The following FANK1 variants were observed in gnomAD, a reference collection of about 807,000 sequenced individuals.
FANK1 encodes fibronectin type III and ankyrin repeat domains 1.
FANK1 carries 44 observed loss-of-function variants against 45.3 expected under a neutral mutation model. That is an observed-to-expected ratio of 0.97 (90% CI 0.76 to 1.25). The LOEUF (loss-of-function observed/expected upper bound fraction) is 1.25. Ranked by LOEUF, FANK1 falls within the 50% of genes most tolerant of loss-of-function variation. FANK1 has a pLI of 0.00. For missense variants in FANK1, 391 were observed against 424.4 expected (o/e 0.92, Z 0.69); for synonymous variants, 149 against 152.5 (o/e 0.98, Z 0.17).
At chr10:125,964,640 A>G (rs1359447739) in intron 1 of FANK1, among the ~76,000 whole-genome samples, 1 of 152,338 alleles carries the variant, frequency 6.6e-6, no homozygotes, top group East Asian at 1.9e-4. Flanking sequence ...TTGATTATTC[A>G]TAATTTGTCC....
chr10:125,954,263 TACTGAA>T (rs901273043), intron 1 of FANK1, among the ~76,000 whole-genome samples: 16 of 152,144 alleles, frequency 1.1e-4, no homozygotes, highest in African/African-American at 3.9e-4. Context: ...GAAAGTTGTT[TACTGAA>T]ACTGAGACAG....
chr10:125,973,290 C>G (rs1950634743), intron 1 of FANK1: 2 of 239,928 alleles, frequency 8.3e-6, no homozygotes, highest in Non-Finnish European at 6.7e-6. Flanking sequence ...GGCTGGATGT[C>G]TTTGGAATTG....
At chr10:125,981,839 G>A (rs892091573) in intron 2 of FANK1, among the ~76,000 whole-genome samples, 26 of 152,174 alleles carry the variant, frequency 1.7e-4, no homozygotes, top group Admixed American at 1.2e-3. Context: ...CTTTTCTCAA[G>A]TTTGCATTGT....
At chr10:126,002,066 A>G (rs1350598467) in intron 6 of FANK1, among the ~76,000 whole-genome samples, 1 of 151,878 alleles carries the variant, frequency 6.6e-6, no homozygotes, top group Non-Finnish European at 1.5e-5. Context: ...TAATCCCAGC[A>G]CTTTGGGAGG....
At chr10:125,961,638 A>G (rs1023272320) in intron 1 of FANK1, among the ~76,000 whole-genome samples, 7 of 152,230 alleles carry the variant, frequency 4.6e-5, no homozygotes, top group Non-Finnish European at 8.8e-5. Flanking sequence ...CCATAAAACT[A>G]CTACAAGAAA....
intron 1 of FANK1, among the ~76,000 whole-genome samples, chr10:125,938,740 C>T (rs759471606): frequency 5.3e-5 from 8 of 152,022 alleles, no homozygotes; most frequent in East Asian, 1.9e-4. Context: ...ACCTGGGAGG[C>T]GGAGGTTGCA....
At chr10:125,928,756 C>T (rs1007110685) in intron 1 of FANK1, among the ~76,000 whole-genome samples, 3 of 152,134 alleles carry the variant, frequency 2.0e-5, no homozygotes, top group Non-Finnish European at 4.4e-5. Flanking sequence ...TTTAGTTGTT[C>T]TCTTTGGGAA....
chr10:125,954,657 C>T (rs1049560487), intron 1 of FANK1, among the ~76,000 whole-genome samples: 7 of 152,144 alleles, frequency 4.6e-5, no homozygotes, highest in South Asian at 2.1e-4. Flanking sequence ...CAGTGGCTCA[C>T]GCCTGTAATC....
intron 1 of FANK1, among the ~76,000 whole-genome samples, chr10:125,974,462 G>A (rs1280562543): frequency 6.6e-6 from 1 of 152,210 alleles, no homozygotes; most frequent in African/African-American, 2.4e-5. Flanking sequence ...GTTACAGGGA[G>A]AAGTTTCAAA....
At chr10:125,961,945 A>G (rs557432814) in intron 1 of FANK1, among the ~76,000 whole-genome samples, 3 of 152,318 alleles carry the variant, frequency 2.0e-5, no homozygotes, top group Non-Finnish European at 4.4e-5. Flanking sequence ...GCTTGCCTCT[A>G]AAAAACAAAA....
At chr10:125,930,126 C>G (rs558110895) in intron 1 of FANK1, among the ~76,000 whole-genome samples, 1 of 152,090 alleles carries the variant, frequency 6.6e-6, no homozygotes, top group South Asian at 2.1e-4. Flanking sequence ...ATGATCCTGG[C>G]TGACTGCAAC....
intron 1 of FANK1, among the ~76,000 whole-genome samples, chr10:125,946,118 C>T (rs1183653104): frequency 3.9e-5 from 6 of 152,098 alleles, no homozygotes; most frequent in African/African-American, 1.2e-4. Context: ...ACATCACCAT[C>T]ATCAAAGACC....
At chr10:125,997,357 C>T in intron 5 of FANK1, 63 bp from the exon 6 acceptor site, 2 of 1,336,842 alleles carry the variant, frequency 1.5e-6, no homozygotes, top group Non-Finnish European at 2.1e-6. Flanking sequence ...TTTTACTGGA[C>T]TATTGTGGGT....
intron 1 of FANK1, among the ~76,000 whole-genome samples, chr10:125,943,838 G>A (rs555290262): frequency 1.3e-5 from 2 of 152,200 alleles, no homozygotes; most frequent in Admixed American, 1.3e-4. Context: ...GTGTAACTTG[G>A]AAAATCTGAA....
intron 1 of FANK1, among the ~76,000 whole-genome samples, chr10:125,905,799 T>C (rs553988740): frequency 7.4e-4 from 113 of 152,142 alleles, no homozygotes; most frequent in African/African-American, 2.7e-3. Flanking sequence ...TTCTGCAGCC[T>C]GAAGTCCCAG....
chr10:125,974,539 T>C (rs989567918), intron 1 of FANK1, among the ~76,000 whole-genome samples: 13 of 152,146 alleles, frequency 8.5e-5, no homozygotes, highest in Non-Finnish European at 1.8e-4. Flanking sequence ...AAAACTAACA[T>C]AGAACAATTG....
chr10:125,913,761 T>C (rs1946224136), intron 1 of FANK1, among the ~76,000 whole-genome samples: 2 of 152,280 alleles, frequency 1.3e-5, no homozygotes, highest in Non-Finnish European at 2.9e-5. Flanking sequence ...GCTTCACCTG[T>C]ATCAGGGGAG....
chr10:125,989,402 G>A (rs777276131), intron 3 of FANK1: 213 of 1,526,182 alleles, frequency 1.4e-4, no homozygotes, highest in Non-Finnish European at 1.8e-4. Context: ...CCTTTTGTGA[G>A]TAAAGCTCTT....
intron 1 of FANK1, among the ~76,000 whole-genome samples, chr10:125,932,323 C>T (rs527791836): frequency 1.5e-4 from 23 of 152,078 alleles, no homozygotes; most frequent in African/African-American, 5.3e-4. Context: ...TTGATCGTAC[C>T]CATCCATGAG....
Sources: gnomAD v4.1 joint callset for allele counts (sites outside exome capture counted in the v4.1 genomes callset) on GRCh38, gnomAD v4.1.1 for gene constraint, MANE v1.5 for transcripts, NCBI Gene and HGNC (gene_info 2026-07-23, HGNC 2026-07-21) for gene names.